SRSF11: variants seen among roughly 807,000 people sequenced by gnomAD.
The protein encoded by SRSF11 is serine and arginine rich splicing factor 11, also known as serine/arginine-rich splicing factor 11.
Under a neutral mutation model 56.0 loss-of-function variants are expected in SRSF11, and 9 were observed. That is an observed-to-expected ratio of 0.16 (90% confidence interval 0.10 to 0.28). SRSF11 has a LOEUF of 0.28. Ranked by LOEUF, SRSF11 falls within the 10% of genes least tolerant of loss-of-function variation. SRSF11 has a pLI of 1.00. For synonymous variants in SRSF11, 222 were observed against 215.3 expected, an observed-to-expected ratio of 1.03 and a Z score of -0.27; for missense variants, 421 against 600.7, an observed-to-expected ratio of 0.70 and a Z score of 3.13.
rs1673585792 is a variant in SRSF11 at position 70,234,791 on chromosome 1, A to G, written c.540+3A>G. The G allele has an allele frequency of 6.3e-7, 1 of 1,591,970 alleles. No individual in the cohort carries two copies. Among genetic ancestry groups the G allele is most frequent in the South Asian group, 1.1e-5 (1 of 87,272 alleles). ...CTGGAGCAAACTTGAACTCTCAGGT[A>G]TACCTTAGTAACTTCAAATTTTTCA... On this transcript the variant is annotated splice_donor_region_variant and intron_variant, in intron 4 of 11. Coordinates refer to ENST00000370949, the MANE Select transcript of SRSF11 (RefSeq NM_001350605.2).
intron 1 of SRSF11, among the ~76,000 whole-genome samples, chr1:70,223,972 G>A (rs1408541352): frequency 6.6e-6 from 1 of 152,140 alleles, no homozygotes; most frequent in African/African-American, 2.4e-5. Context: ...AGCCCACTGT[G>A]AATTGAAAAT....
rs377147497 is a variant in SRSF11 at position 70,244,759 on chromosome 1, G to A, written c.876G>A (p.Arg292=). 1.2e-6 allele frequency: 2 copies of A among 1,614,086 alleles called. No homozygotes were observed. The highest frequency in any genetic ancestry group is 2.7e-5 in the African/African-American group (2 of 74,932). ...GGCGACGATCCAAAAGCCCAAGGCG[G>A]AGAAGATCTCATTCCAGAGAAAGAG... ...RSRRRSKSPR[R]RRSHSRERGR... is the part of the protein sequence containing the mutation. The change falls in exon 8 of 12, where the codon CGG becomes CGA. Residue 292 remains arginine (R), a synonymous_variant. Coordinates refer to ENST00000370949, the MANE Select transcript of SRSF11 (RefSeq NM_001350605.2).
rs879334472 is a variant in SRSF11, at chr1:70,240,552, A to T, written c.800+1032A>T. Among the ~76,000 whole-genome samples the T allele has an allele frequency of 2.0e-5, 3 of 152,182 alleles. No homozygotes were observed. In the South Asian group the frequency reaches 6.2e-4, roughly 32 times the overall value. On this transcript the variant is annotated intron_variant, in intron 7 of 11. Coordinates refer to ENST00000370949, the MANE Select transcript of SRSF11 (RefSeq NM_001350605.2). ...TCTTAGAGCATCCACAGTTGTGCAAACGACAATATAAAAGCCATTGCTCTA... is the reference window on the plus strand; with the variant it reads ...TCTTAGAGCATCCACAGTTGTGCAATCGACAATATAAAAGCCATTGCTCTA...
chr1:70,228,772 T>C (rs1341211403), intron 2 of SRSF11: 1 of 1,204,900 alleles, frequency 8.3e-7, no homozygotes, highest in Non-Finnish European at 1.0e-6. Flanking sequence ...TTGTTTTCTT[T>C]TAAAACATTT....
At chr1:70,235,181 T>G (rs925376998) in intron 4 of SRSF11, among the ~76,000 whole-genome samples, 2 of 152,174 alleles carry the variant, frequency 1.3e-5, no homozygotes, top group Non-Finnish European at 2.9e-5. Flanking sequence ...TAAGGTGTTT[T>G]GAGTTTTACA....
At position 70,228,479 on chromosome 1, in the gene SRSF11, C is replaced by G. The variant is rs749901967; in HGVS notation, c.261C>G (p.Asp87Glu). The G allele has an allele frequency of 1.2e-6, 2 of 1,613,688 alleles. No homozygotes were observed. Among genetic ancestry groups the G allele is most frequent in the Non-Finnish European group, 8.5e-7 (1 of 1,179,782 alleles). The change falls in exon 2 of 12, where the codon GAC becomes GAG. Residue 87 changes from aspartate (D) to glutamate (E), a missense_variant. Asp to Glu is a conservative substitution (Grantham distance 45). Coordinates refer to ENST00000370949, the MANE Select transcript of SRSF11 (RefSeq NM_001350605.2). Reference sequence around the variant, plus strand: ...GCTTTGTTAAGTTCCATGATCCAGACTCAGCAGTTGTGGCACAGCATCTGA... The same window carrying G: ...GCTTTGTTAAGTTCCATGATCCAGAGTCAGCAGTTGTGGCACAGCATCTGA... The part of the protein sequence containing the change: ...RVCFVKFHDP[D>E]SAVVAQHLTN...
intron 1 of SRSF11, among the ~76,000 whole-genome samples, chr1:70,223,483 A>T (rs1172782810): frequency 6.6e-6 from 1 of 152,208 alleles, no homozygotes; most frequent in African/African-American, 2.4e-5. Flanking sequence ...TAACCAGGAC[A>T]GCTAGTGTGT....
At position 70,231,530 on chromosome 1, in the gene SRSF11, T is replaced by C. The variant is rs944871034; in HGVS notation, c.338-738T>C. On this transcript the variant is annotated intron_variant, in intron 2 of 11. Coordinates refer to ENST00000370949, the MANE Select transcript of SRSF11 (RefSeq NM_001350605.2). ...GCAGCATTTTTTGGTATGGTTAGCA[T>C]GGCACATGGCGAAACATAAAGCATT... The C allele has an allele frequency of 6.5e-6, 7 of 1,077,320 alleles. No individual in the cohort carries two copies. In the African/African-American group the frequency reaches 1.2e-4, roughly 18 times the overall value. The allele number at this position is 1,077,320 out of a possible 1,614,324, so 66.7% of individuals were successfully genotyped here.
intron 5 of SRSF11, among the ~76,000 whole-genome samples, chr1:70,236,428 T>A (rs1361756024): frequency 1.3e-5 from 2 of 151,552 alleles, no homozygotes; most frequent in African/African-American, 4.9e-5. Context: ...CCTCCCAGAT[T>A]CAAGCAATTC....
At chr1:70,239,320 G>C in intron 6 of SRSF11, 119 bp from the exon 7 acceptor site, 1 of 662,996 alleles carries the variant, frequency 1.5e-6, no homozygotes, top group South Asian at 2.1e-5. Flanking sequence ...TTGAACTCCT[G>C]GACTGAAGTG....
In SRSF11 at chr1:70,244,111, G is replaced by T. The variant is rs72929228; in HGVS notation, c.801-573G>T. On this transcript the variant is annotated intron_variant, in intron 7 of 11. Transcript: ENST00000370949. ...TGCATTGCCTGGAGTTTCCTAAATT[G>T]TGGATTAAAGGAGTGGAATTTGTTT... Among the ~76,000 whole-genome samples, 486 of 152,286 alleles carry T rather than the reference G, an allele frequency of 3.2e-3. 2 individuals carry two copies. The highest frequency in any genetic ancestry group is 0.011 in the African/African-American group (461 of 41,562).
chr1:70,249,913 CTG>C (rs1157058823), intron 9 of SRSF11, 37 bp from the exon 10 acceptor site: 2 of 1,589,300 alleles, frequency 1.3e-6, no homozygotes, highest in Non-Finnish European at 1.7e-6. Context: ...TAAGATCACA[CTG>C]TATTTTAAAA....
intron 3 of SRSF11, among the ~76,000 whole-genome samples, chr1:70,233,420 A>G (rs1673270035): frequency 6.6e-6 from 1 of 151,938 alleles, no homozygotes; most frequent in Non-Finnish European, 1.5e-5. Context: ...TTGTATTTTT[A>G]GTAGGGATGG....
At chr1:70,230,342 AT>A (rs1419980437) in intron 2 of SRSF11, 75 of 1,056,542 alleles carry the variant, frequency 7.1e-5, no homozygotes, top group Non-Finnish European at 8.4e-5. Flanking sequence ...TTCCCTCCAG[AT>A]TTAGCTATTA....
chr1:70,235,565 T>A lies in SRSF11; in HGVS notation c.590+15T>A, dbSNP rs1316408439. 5.0e-6 allele frequency: 8 copies of A among 1,608,796 alleles called. No individual in the cohort carries two copies. Among genetic ancestry groups the A allele is most frequent in the East Asian group, 2.2e-5 (1 of 44,762 alleles). ...GTTGATCCCAAGTAAGCGTTTTTTC[T>A]TTGTTTTCATTGGTGATGTGGTATC... is the stretch of plus-strand genomic sequence containing the variant. On this transcript the variant is annotated intron_variant, in intron 5 of 11. Coordinates refer to ENST00000370949, the MANE Select transcript of SRSF11 (RefSeq NM_001350605.2).
rs754344149 is a variant in SRSF11 at position 70,244,727 on chromosome 1, A to G, written c.844A>G (p.Arg282Gly). The G allele has an allele frequency of 2.5e-6, 4 of 1,614,208 alleles. No homozygotes were observed. The highest frequency in any genetic ancestry group is 3.4e-6 in the Non-Finnish European group (4 of 1,180,024). ...RSRRRSHSKS[R>G]SRRRSKSPRR... Reference sequence around the variant, plus strand: ...GAGACGGCGGTCACATTCTAAGTCTAGGAGTCGGCGACGATCCAAAAGCCC... The same window carrying G: ...GAGACGGCGGTCACATTCTAAGTCTGGGAGTCGGCGACGATCCAAAAGCCC... Residue 282 changes from arginine to glycine, a missense_variant, in exon 8 of 12, where the codon AGG (arginine) becomes GGG (glycine). Physicochemically the swap from Arg to Gly is moderately radical, Grantham distance 125. Around this residue, in one of 2 missense-constraint regions of SRSF11, gnomAD observed 253 missense variants for 305.8 expected, o/e 0.83. Coordinates refer to ENST00000370949, the MANE Select transcript of SRSF11 (RefSeq NM_001350605.2).
At chr1:70,249,809 C>T in intron 9 of SRSF11, 143 bp from the exon 10 acceptor site, 1 of 799,606 alleles carries the variant, frequency 1.3e-6, no homozygotes, top group South Asian at 1.8e-5. Context: ...ATCCCCTCAC[C>T]TCAGCCTGCC....
chr1:70,229,478 G>A (rs1249116009), intron 2 of SRSF11: 1 of 984,954 alleles, frequency 1.0e-6, no homozygotes, highest in East Asian at 1.1e-4. Context: ...ATTTTCTAAG[G>A]CGTATTTTAT....
rs1571985369 is a variant in SRSF11 at position 70,251,641 on chromosome 1, T to G, written c.*836T>G. 2 of 152,548 alleles carry G rather than the reference T, an allele frequency of 1.3e-5. No homozygotes were observed. The highest frequency in any genetic ancestry group is 4.1e-4 in the South Asian group (2 of 4,832). The allele number at this position is 152,548 out of a possible 1,614,324, so 9.4% of individuals were successfully genotyped here. Reference sequence around the variant, plus strand: ...AAGAAAAAAACCTTATCTCTTGCCCTTATTTTGAATTTTCCACTCTTTCAT... The same window carrying G: ...AAGAAAAAAACCTTATCTCTTGCCCGTATTTTGAATTTTCCACTCTTTCAT... On this transcript the variant is annotated 3_prime_UTR_variant, in exon 12 of 12. Transcript: ENST00000370949.
Sources: gnomAD v4.1 joint callset for allele counts (sites outside exome capture counted in the v4.1 genomes callset) on GRCh38, gnomAD v4.1.1 for gene constraint, gnomAD v4.1.1 regional missense constraint, MANE v1.5 for transcripts, NCBI Gene and HGNC (gene_info 2026-07-23, HGNC 2026-07-21) for gene names.